The following MUC6 variants were observed in gnomAD, a reference collection of about 807,000 sequenced individuals.
MUC6 encodes mucin-6.
A neutral mutation model predicts 201.5 loss-of-function variants in MUC6; 188 were observed. The observed-to-expected ratio is 0.93, with a 90% CI of 0.83 to 1.05. MUC6 has a LOEUF of 1.05. MUC6 is among the 50% of genes least tolerant of loss of function. The pLI is 0.00. For synonymous variants in MUC6, 1,228 were observed against 1,389.4 expected, an observed-to-expected ratio of 0.88 and a Z score of 2.58; for missense variants, 2,706 against 3,256.9, an observed-to-expected ratio of 0.83 and a Z score of 4.12.
intron 20 of MUC6, 24 bp downstream of exon 20, chr11:1,026,303 G>T: frequency 6.4e-7 from 1 of 1,558,466 alleles, no homozygotes; most frequent in South Asian, 1.2e-5. Flanking sequence ...AGCCCAGGGC[G>T]TCTGAAGCGA....
chr11:1,027,556 C>A, intron 16 of MUC6, 39 bp from the exon 17 acceptor site: 1 of 1,605,846 alleles, frequency 6.2e-7, no homozygotes, highest in Non-Finnish European at 8.5e-7. Flanking sequence ...CGGGAGGGGG[C>A]GGCCGGGAGG....
rs376608455 is a variant in MUC6, at chr11:1,028,840, C to A, written c.1453+49G>T. On this transcript the variant is annotated intron_variant, in intron 12 of 32. Coordinates refer to ENST00000421673, the MANE Select transcript of MUC6 (RefSeq NM_005961.3). ...GGCTCCCTCCCCACCCACTGCAGCC[C>A]GCCCCGAAGGCACAACTCTGGGGGG... is the stretch of plus-strand genomic sequence containing the variant. 3.7e-6 allele frequency: 6 copies of A among 1,609,528 alleles called. No homozygotes were observed. In the East Asian group the frequency reaches 1.3e-4, roughly 36 times the overall value.
Position 1,030,964 on chromosome 11 carries a change from C to T in MUC6, c.667G>A (p.Val223Ile), listed in dbSNP as rs746687594. Residue 223 changes from valine to isoleucine, a missense_variant, in exon 6 of 33, where the codon GTC becomes ATC. Coordinates refer to ENST00000421673, the MANE Select transcript of MUC6 (RefSeq NM_005961.3). ...TTGCTTACGTGCTGGGCCTGCCGGACGTGGGTGCTGGGGATGTCCTGGAAG... is the reference window on the plus strand; with the variant it reads ...TTGCTTACGTGCTGGGCCTGCCGGATGTGGGTGCTGGGGATGTCCTGGAAG... Reference protein sequence around the residue: ...CTFQDIPSTHVRQAQHARICT... With the variant: ...CTFQDIPSTHIRQAQHARICT... 38 of 1,580,250 alleles carry T rather than the reference C, an allele frequency of 2.4e-5. No homozygotes were observed. Among genetic ancestry groups the T allele is most frequent in the Middle Eastern group, 1.7e-4 (1 of 5,914 alleles).
chr11:1,030,915 G>C (rs1184416485), intron 6 of MUC6, 32 bp downstream of exon 6: 1 of 1,547,054 alleles, frequency 6.5e-7, no homozygotes, highest in South Asian at 1.2e-5. Context: ...GTCAGACCTG[G>C]GGTCAGCCCC....
rs973144830 is a variant in MUC6 at position 1,028,795 on chromosome 11, A to G, written c.1454-12T>C. 3.7e-6 allele frequency: 6 copies of G among 1,609,742 alleles called. No homozygotes were observed. Among genetic ancestry groups the G allele is most frequent in the Non-Finnish European group, 5.1e-6 (6 of 1,179,682 alleles). Reference sequence around the variant, plus strand: ...GACCGTGATGTTGCCTGCAGGACGCAGTGCTCAGTGGGCCGTCTGGGCTCC... The same window carrying G: ...GACCGTGATGTTGCCTGCAGGACGCGGTGCTCAGTGGGCCGTCTGGGCTCC... On this transcript the variant is annotated splice_polypyrimidine_tract_variant and intron_variant, in intron 12 of 32. Coordinates refer to ENST00000421673, the MANE Select transcript of MUC6 (RefSeq NM_005961.3).
chr11:1,019,469 G>A lies in MUC6; in HGVS notation c.3836C>T (p.Thr1279Ile), dbSNP rs1368979454. Residue 1279 changes from threonine to isoleucine, a missense_variant, in exon 30 of 33, where the codon ACC (threonine) becomes ATC (isoleucine). By Grantham distance (89) the Thr-to-Ile change is moderately conservative (BLOSUM62 -1). This residue lies in a region of MUC6 where 1,850 missense variants were observed against 1,958.3 expected (regional missense o/e 0.94). Transcript: ENST00000421673. ...AGGCAGCCCTGATGTGGCTTGTGGG[G>A]TGACGGCCGTGGTTGGTCTAGGTGG... ...GEPPRPTTAV[T>I]PQATSGLPPT... 2.5e-6 allele frequency: 4 copies of A among 1,613,868 alleles called. No individual in the cohort carries two copies. The highest frequency in any genetic ancestry group is 3.4e-6 in the Non-Finnish European group (4 of 1,179,874).
chr11:1,021,166 C>T, intron 27 of MUC6, 49 bp downstream of exon 27: 2 of 1,503,778 alleles, frequency 1.3e-6, no homozygotes, highest in East Asian at 2.4e-5. Flanking sequence ...GTGCGTTCTG[C>T]CTGCATGCAG....
intron 27 of MUC6, 25 bp downstream of exon 27, chr11:1,021,190 T>C (rs773295277): frequency 4.5e-6 from 7 of 1,553,386 alleles, no homozygotes; most frequent in Non-Finnish European, 5.2e-6. Flanking sequence ...GGGGCAGGGT[T>C]CTCAGGGCAG....
chr11:1,032,452 A>G (rs1302957494), intron 2 of MUC6, among the ~76,000 whole-genome samples: 1 of 148,788 alleles, frequency 6.7e-6, no homozygotes, highest in Admixed American at 6.7e-5. Flanking sequence ...TTGCATGCAC[A>G]TGTGTGTTTG....
In MUC6 at chr11:1,016,645, G is replaced by A. The variant is rs773174071; in HGVS notation, c.6156C>T (p.Leu2052=). ...PTGTVPPPTT[L]KATGSTHTAP... is the part of the protein sequence containing the mutation. ...CTGTGTGGGTGGACCCTGTGGCCTT[G>A]AGCGTTGTTGGTGGAGGAACGGTGC... is the stretch of plus-strand genomic sequence containing the variant. The change falls in exon 31 of 33, where the codon CTC becomes CTT. Residue 2052 remains leucine, a synonymous_variant. Transcript: ENST00000421673. 2.6e-6 allele frequency: 4 copies of A among 1,519,204 alleles called. No homozygotes were observed. In the South Asian group the frequency reaches 4.5e-5, roughly 17 times the overall value. The allele number at this position is 1,519,204 out of a possible 1,614,324, so 94.1% of individuals were successfully genotyped here.
chr11:1,026,389 T>C lies in MUC6; in HGVS notation c.2484A>G (p.Pro828=). The C allele has an allele frequency of 6.2e-7, 1 of 1,608,440 alleles. No individual in the cohort carries two copies. Among genetic ancestry groups the C allele is most frequent in the East Asian group, 2.2e-5 (1 of 44,780 alleles). Residue 828 remains proline (P), a synonymous_variant, in exon 20 of 33, where the codon CCA becomes CCG. Coordinates refer to ENST00000421673, the MANE Select transcript of MUC6 (RefSeq NM_005961.3). ...DGQCVPPEEC[P]CEFSGVSYPG... ...GGTAGGAGACCCCCGAGAACTCACA[T>C]GGGCACTCCTCGGGGGGCACACACT...
At chr11:1,027,859 G>A in intron 15 of MUC6, 42 bp from the exon 16 acceptor site, 1 of 1,598,904 alleles carries the variant, frequency 6.3e-7, no homozygotes, top group Non-Finnish European at 8.5e-7. Context: ...CAGGCACCCT[G>A]CCCTGGGGAC....
chr11:1,013,722 T>C, intron 32 of MUC6, 89 bp from the exon 33 acceptor site: 2 of 1,455,670 alleles, frequency 1.4e-6, no homozygotes, highest in Non-Finnish European at 9.3e-7. Context: ...CGCAGAGGCC[T>C]GGACCTCCCC....
chr11:1,027,304 A>G lies in MUC6; in HGVS notation c.2195T>C (p.Leu732Pro). 1 of 1,612,820 alleles carries G rather than the reference A, an allele frequency of 6.2e-7. No homozygotes were observed. Among genetic ancestry groups the G allele is most frequent in the South Asian group, 1.1e-5 (1 of 91,082 alleles). The change falls in exon 17 of 33, where the codon CTG becomes CCG. Residue 732 changes from leucine (L) to proline (P), a missense_variant. By Grantham distance (98) the Leu-to-Pro change is moderately conservative. This residue lies in a region of MUC6 where 1,850 missense variants were observed against 1,958.3 expected (regional missense o/e 0.94). Transcript: ENST00000421673. ...GTTGATGACAGTGGACTGCTCGGCC[A>G]GGATGAACTTGTAACCCTCCAGTAT... ...PCILEGYKFI[L>P]AEQSTVINGI...
intron 32 of MUC6, 111 bp downstream of exon 32, chr11:1,013,788 T>A: frequency 7.2e-7 from 1 of 1,386,490 alleles, no homozygotes; most frequent in South Asian, 1.2e-5. Context: ...GAGCGCAGAG[T>A]GGCTCACCTG....
rs780252172 is a variant in MUC6, at chr11:1,023,587, C to T, written c.3448G>A (p.Glu1150Lys). The T allele has an allele frequency of 1.9e-6, 3 of 1,612,830 alleles. No individual in the cohort carries two copies. Among genetic ancestry groups the T allele is most frequent in the Non-Finnish European group, 2.5e-6 (3 of 1,179,756 alleles). Residue 1150 changes from glutamate to lysine, a missense_variant, in exon 26 of 33, where the codon GAG becomes AAG. Around this residue, in one of 10 missense-constraint regions of MUC6, gnomAD observed 1,850 missense variants for 1,958.3 expected, o/e 0.94. Transcript: ENST00000421673. ...TGGTAGTGCCACGTGCAGTTGGCCTCCTGTGTGTACTGGTACTCGCCATGG... is the reference window on the plus strand; with the variant it reads ...TGGTAGTGCCACGTGCAGTTGGCCTTCTGTGTGTACTGGTACTCGCCATGG... ...DGHGEYQYTQEANCTWHYQPC... is the reference protein window; with the variant it reads ...DGHGEYQYTQKANCTWHYQPC...
At position 1,027,994 on chromosome 11, in the gene MUC6, C is replaced by A; in HGVS notation, c.1819G>T (p.Ala607Ser). 6.3e-7 allele frequency: 1 copy of A among 1,584,042 alleles called. No homozygotes were observed. Residue 607 changes from alanine to serine, a missense_variant, in exon 15 of 33, where the codon GCC becomes TCC. Transcript: ENST00000421673. ...RTGTVFERCH[A>S]TVNPAPFYKR... Reference sequence around the variant, plus strand: ...TAGAAGGGTGCAGGGTTCACTGTGGCGTGGCACCTCTCGAACACCGTGCCT... The same window carrying A: ...TAGAAGGGTGCAGGGTTCACTGTGGAGTGGCACCTCTCGAACACCGTGCCT...
In MUC6 at chr11:1,020,322, C is replaced by G. The variant is rs865880535; in HGVS notation, c.3641-65G>C. The G allele has an allele frequency of 2.6e-5, 40 of 1,531,328 alleles. No individual in the cohort carries two copies. In the African/African-American group the frequency reaches 3.6e-4, roughly 14 times the overall value. 94.9% of individuals were successfully genotyped at this position (1,531,328 alleles called of 1,614,324 possible). ...GCATATCCTTGGGGAGCACCCTCCC[C>G]TCTGCCTGCTTGGCCCTGAAGCCGG... On this transcript the variant is annotated intron_variant, in intron 28 of 32. Coordinates refer to ENST00000421673, the MANE Select transcript of MUC6 (RefSeq NM_005961.3).
At position 1,033,346 on chromosome 11, in the gene MUC6, G is replaced by C; in HGVS notation, c.53-271C>G. 1 of 541,788 alleles carries C rather than the reference G, an allele frequency of 1.8e-6. No individual in the cohort carries two copies. Among genetic ancestry groups the C allele is most frequent in the Admixed American group, 3.1e-5 (1 of 32,270 alleles). The allele number at this position is 541,788 out of a possible 1,614,324, so 33.6% of individuals were successfully genotyped here. ...TTCAGCCGTCAGCCCCTCGGGGTTCGGCAGATGGCGGGCACCCTGTGTGCA... is the reference window on the plus strand; with the variant it reads ...TTCAGCCGTCAGCCCCTCGGGGTTCCGCAGATGGCGGGCACCCTGTGTGCA... On this transcript the variant is annotated intron_variant, in intron 1 of 32. Coordinates refer to ENST00000421673, the MANE Select transcript of MUC6 (RefSeq NM_005961.3). The surrounding 1 kb of genome is among the most constrained non-coding windows in gnomAD (Gnocchi z 5.6).
Sources: allele counts gnomAD v4.1 joint callset (sites outside exome capture counted in the v4.1 genomes callset), GRCh38; gene constraint gnomAD v4.1.1; regional missense constraint gnomAD v4.1.1; non-coding constraint Gnocchi (gnomAD v3.1); transcripts MANE v1.5; gene names NCBI Gene and HGNC (gene_info 2026-07-23, HGNC 2026-07-21).